Variants in VEPH1 observed in about 807,000 individuals in gnomAD.
VEPH1 encodes the protein ventricular zone-expressed PH domain-containing protein homolog 1.
A neutral mutation model predicts 85.2 loss-of-function variants in VEPH1; 80 were observed. The ratio of observed to expected loss-of-function variants is 0.94; its 90% CI spans 0.78 to 1.13. VEPH1 has a LOEUF of 1.13. Among genes scored for constraint, VEPH1 ranks in the 50% most tolerant of loss-of-function variants. VEPH1 has a pLI of 0.00. For missense variants in VEPH1, 955 were observed against 980.5 expected, an observed-to-expected ratio of 0.97 and a Z score of 0.35; for synonymous variants, 297 against 348.0, an observed-to-expected ratio of 0.85 and a Z score of 1.63.
intron 12 of VEPH1, among the ~76,000 whole-genome samples, chr3:157,278,736 TGTG>T (rs1285009247): frequency 2.0e-5 from 3 of 152,232 alleles, no homozygotes; most frequent in African/African-American, 7.2e-5. Context: ...TCCTCAATCT[TGTG>T]GTGATAGATT....
chr3:157,292,748 C>A (rs1327505050), intron 11 of VEPH1, among the ~76,000 whole-genome samples: 2 of 136,960 alleles, frequency 1.5e-5, no homozygotes, highest in African/African-American at 5.5e-5. Flanking sequence ...CTTTGGGAGG[C>A]GGAGGTGGGT....
At chr3:157,497,794 C>T (rs963628151) in intron 1 of VEPH1, among the ~76,000 whole-genome samples, 4 of 152,182 alleles carry the variant, frequency 2.6e-5, no homozygotes, top group African/African-American at 7.2e-5. Flanking sequence ...AGCTCTTACT[C>T]TTGAGGGCCC....
At chr3:157,388,986 A>T (rs1233392883) in intron 6 of VEPH1, among the ~76,000 whole-genome samples, 1 of 152,180 alleles carries the variant, frequency 6.6e-6, no homozygotes, top group Non-Finnish European at 1.5e-5. Context: ...GGGAATAACA[A>T]GTAGCTATGT....
At chr3:157,352,122 CT>C (rs1166709972) in intron 9 of VEPH1, among the ~76,000 whole-genome samples, 1 of 152,228 alleles carries the variant, frequency 6.6e-6, no homozygotes, top group Non-Finnish European at 1.5e-5. Context: ...CCCACCAGCA[CT>C]TAGTACACTT....
chr3:157,498,930 G>A (rs534272761), intron 1 of VEPH1, among the ~76,000 whole-genome samples: 80 of 152,194 alleles, frequency 5.3e-4, no homozygotes, highest in African/African-American at 1.8e-3. Context: ...GCACATATGT[G>A]CACATACTCA....
intron 4 of VEPH1, chr3:157,442,429 T>C: frequency 6.2e-7 from 1 of 1,614,212 alleles, no homozygotes; most frequent in Non-Finnish European, 8.5e-7. Flanking sequence ...GTGCATCCAG[T>C]GAGACCAATG....
chr3:157,398,636 G>GAA lies in VEPH1; in HGVS notation c.906+15243_906+15244dup, dbSNP rs35264447. On this transcript the variant is annotated intron_variant, in intron 6 of 13. Transcript: ENST00000362010. ...CAACAGAGTGAGACTCTGTCTCAAA[G>GAA]AAAAAAAAAAAAAGGAGTTATCTGC... Among the ~76,000 whole-genome samples the GAA allele has an allele frequency of 7.5e-4, 109 of 144,456 alleles. 2 individuals are homozygous for GAA. The highest frequency in any genetic ancestry group is 2.6e-3 in the African/African-American group (104 of 39,362). 94.8% of individuals were successfully genotyped at this position (144,456 alleles called of 152,430 possible). A position where few individuals can be genotyped will look rare whatever the true frequency, so the allele number is the denominator to read the frequency against.
intron 2 of VEPH1, among the ~76,000 whole-genome samples, chr3:157,483,357 G>A (rs1459810138): frequency 6.6e-6 from 1 of 151,974 alleles, no homozygotes; most frequent in Non-Finnish European, 1.5e-5. Context: ...TCTTACTTAT[G>A]CTGAACTTAA....
At chr3:157,469,962 G>C (rs16827705) in intron 3 of VEPH1, among the ~76,000 whole-genome samples, 22,633 of 152,066 alleles carry the variant, frequency 0.15, 2,166 homozygotes, top group African/African-American at 0.26. Flanking sequence ...TGCTTCTACT[G>C]TGTTCTCCTT....
At chr3:157,442,777 A>G (rs1466506872) in intron 4 of VEPH1, 1 of 1,614,224 alleles carries the variant, frequency 6.2e-7, no homozygotes, top group South Asian at 1.1e-5. Context: ...CAAGAAAAGA[A>G]TGGCTGCTGT....
chr3:157,449,530 T>A (rs1734800257), intron 4 of VEPH1, among the ~76,000 whole-genome samples: 1 of 152,234 alleles, frequency 6.6e-6, no homozygotes, highest in Non-Finnish European at 1.5e-5. Context: ...GTTATTTACC[T>A]ATCTTACACT....
chr3:157,339,110 T>A (rs1267733416), intron 9 of VEPH1, among the ~76,000 whole-genome samples: 2 of 152,180 alleles, frequency 1.3e-5, no homozygotes, highest in African/African-American at 4.8e-5. Context: ...TGAGTAGGTA[T>A]CCCATGAGGT....
intron 6 of VEPH1, among the ~76,000 whole-genome samples, chr3:157,402,596 G>A (rs1027853260): frequency 6.6e-6 from 1 of 152,138 alleles, no homozygotes; most frequent in African/African-American, 2.4e-5. Context: ...ACTTTTCTGA[G>A]TGAATTGTTA....
At chr3:157,501,332 C>G (rs1481548102) in intron 1 of VEPH1, among the ~76,000 whole-genome samples, 1 of 152,158 alleles carries the variant, frequency 6.6e-6, no homozygotes, top group Non-Finnish European at 1.5e-5. Context: ...TGATCCTACC[C>G]ACACCAAGGT....
rs188469745 is a variant in VEPH1 at position 157,468,335 on chromosome 3, T to C, written c.354+1979A>G. On this transcript the variant is annotated intron_variant, in intron 3 of 13. Transcript: ENST00000362010. ...ATGCACATCAGATATGTAAGAATTG[T>C]GTAAAAAAAATGGTGAATCACAAGG... Among the ~76,000 whole-genome samples the C allele has an allele frequency of 1.1e-4, 17 of 152,258 alleles. No homozygotes were observed. The East Asian group carries it at 3.3e-3, about 29-fold the overall frequency.
chr3:157,501,904 T>C (rs1740144999), intron 1 of VEPH1, among the ~76,000 whole-genome samples: 1 of 152,194 alleles, frequency 6.6e-6, no homozygotes, highest in African/African-American at 2.4e-5. Flanking sequence ...CTTAGACCCA[T>C]TTGGGCTCTA....
At chr3:157,467,232 T>G (rs2109426912) in intron 3 of VEPH1, among the ~76,000 whole-genome samples, 1 of 151,092 alleles carries the variant, frequency 6.6e-6, no homozygotes, top group Admixed American at 6.6e-5. Flanking sequence ...GAAGAAGAAA[T>G]GACTGGGCCT....
chr3:157,289,914 C>T (rs1156496561), intron 11 of VEPH1, among the ~76,000 whole-genome samples: 1 of 152,088 alleles, frequency 6.6e-6, no homozygotes, highest in Non-Finnish European at 1.5e-5. Context: ...TAATTTTCAC[C>T]TTGTGGTGTT....
At chr3:157,269,894 G>A (rs1346123443) in intron 12 of VEPH1, among the ~76,000 whole-genome samples, 1 of 152,066 alleles carries the variant, frequency 6.6e-6, no homozygotes. Flanking sequence ...GTAGAACATA[G>A]AGGATATTCA....
Sources: allele counts gnomAD v4.1 joint callset (sites outside exome capture counted in the v4.1 genomes callset), GRCh38; gene constraint gnomAD v4.1.1; transcripts MANE v1.5; gene names NCBI Gene and HGNC (gene_info 2026-07-23, HGNC 2026-07-21).